Variants in CNTNAP5 observed in about 807,000 individuals in gnomAD.
CNTNAP5 encodes contactin associated protein family member 5.
In CNTNAP5, 72 loss-of-function variants were observed where a neutral mutation model predicts 150.2. The observed-to-expected ratio is 0.48, with a 90% CI of 0.40 to 0.58. The LOEUF is 0.58. Ranked by LOEUF, CNTNAP5 falls within the 20% of genes least tolerant of loss-of-function variation. The pLI, the probability that CNTNAP5 is intolerant of heterozygous loss-of-function variation, is 0.00. For synonymous variants in CNTNAP5, 672 were observed against 619.8 expected (o/e 1.08, Z -1.25); for missense variants, 1,636 against 1,626.2 (o/e 1.01, Z -0.10).
chr2:124,530,633 C>T (rs4848243), intron 10 of CNTNAP5, among the ~76,000 whole-genome samples: 37,564 of 152,010 alleles, frequency 0.25, 5,091 homozygotes, highest in East Asian at 0.44. Flanking sequence ...GCCTTGCGCA[C>T]GGCTCTGGAA....
intron 2 of CNTNAP5, among the ~76,000 whole-genome samples, chr2:124,222,543 T>G (rs1037991013): frequency 1.3e-5 from 2 of 152,106 alleles, no homozygotes; most frequent in South Asian, 4.1e-4. Context: ...CTACTAAATA[T>G]TATAAACTTT....
intron 13 of CNTNAP5, among the ~76,000 whole-genome samples, chr2:124,720,956 A>G (rs1180816932): frequency 1.3e-5 from 2 of 152,006 alleles, no homozygotes. Flanking sequence ...TTTACTATGA[A>G]CCTAAATAAT....
chr2:124,390,604 T>C (rs1285426603), intron 3 of CNTNAP5, among the ~76,000 whole-genome samples: 2 of 152,240 alleles, frequency 1.3e-5, no homozygotes, highest in Admixed American at 6.5e-5. Flanking sequence ...TGGGAAATAC[T>C]TCTTTTTCTA....
At chr2:124,454,462 C>T (rs561138208) in intron 6 of CNTNAP5, among the ~76,000 whole-genome samples, 38 of 152,230 alleles carry the variant, frequency 2.5e-4, no homozygotes, top group African/African-American at 8.7e-4. Context: ...GACTTTAATA[C>T]TCCACTGACA....
chr2:124,252,007 G>T (rs762980063), intron 3 of CNTNAP5, among the ~76,000 whole-genome samples: 3 of 152,154 alleles, frequency 2.0e-5, no homozygotes, highest in African/African-American at 2.4e-5. Flanking sequence ...GCATGTAGAT[G>T]AGAGAAAGGA....
intron 3 of CNTNAP5, among the ~76,000 whole-genome samples, chr2:124,294,021 G>A (rs1184104931): frequency 6.6e-6 from 1 of 152,188 alleles, no homozygotes; most frequent in Non-Finnish European, 1.5e-5. Context: ...CCACTGTGAA[G>A]TTGATCCCAG....
intron 2 of CNTNAP5, among the ~76,000 whole-genome samples, chr2:124,232,190 A>G (rs1376636719): frequency 1.3e-5 from 2 of 152,220 alleles, no homozygotes; most frequent in Admixed American, 1.3e-4. Context: ...AACTGTAAGA[A>G]TAGAATTAAG....
chr2:124,242,976 A>G (rs1686924310), intron 3 of CNTNAP5, among the ~76,000 whole-genome samples: 1 of 152,222 alleles, frequency 6.6e-6, no homozygotes, highest in South Asian at 2.1e-4. Context: ...ATTGGAAACA[A>G]TCTTCAGCTT....
intron 3 of CNTNAP5, among the ~76,000 whole-genome samples, chr2:124,286,044 T>G (rs903625578): frequency 6.6e-6 from 1 of 152,198 alleles, no homozygotes; most frequent in Non-Finnish European, 1.5e-5. Flanking sequence ...GATCTCTCAT[T>G]ATACAGCATG....
chr2:124,260,554 A>G (rs1573873743), intron 3 of CNTNAP5, among the ~76,000 whole-genome samples: 1 of 152,250 alleles, frequency 6.6e-6, no homozygotes, highest in East Asian at 1.9e-4. Flanking sequence ...GCACAGCCAA[A>G]GAAACTGCCA....
chr2:124,774,949 G>C (rs991442744), intron 17 of CNTNAP5, among the ~76,000 whole-genome samples: 5 of 152,200 alleles, frequency 3.3e-5, no homozygotes, highest in African/African-American at 1.2e-4. Context: ...GCAATGAGCT[G>C]TAAGAGCATG....
At chr2:124,191,960 T>C (rs1253794460) in intron 1 of CNTNAP5, among the ~76,000 whole-genome samples, 1 of 151,986 alleles carries the variant, frequency 6.6e-6, no homozygotes, top group East Asian at 1.9e-4. Context: ...CTAGCAGGCT[T>C]TAAGGAGCTG....
At chr2:124,399,310 T>C (rs1691346135) in intron 3 of CNTNAP5, among the ~76,000 whole-genome samples, 1 of 152,202 alleles carries the variant, frequency 6.6e-6, no homozygotes, top group Non-Finnish European at 1.5e-5. Context: ...TGAGCTTACA[T>C]CTTCTCCATA....
chr2:124,654,919 T>A (rs914340419), intron 13 of CNTNAP5, among the ~76,000 whole-genome samples: 1 of 145,498 alleles, frequency 6.9e-6, no homozygotes, highest in South Asian at 2.2e-4. Context: ...AGTATTTGAC[T>A]TTTTTTTTTT....
chr2:124,650,832 T>C (rs1455893925), intron 13 of CNTNAP5, among the ~76,000 whole-genome samples: 1 of 152,246 alleles, frequency 6.6e-6, no homozygotes, highest in Non-Finnish European at 1.5e-5. Context: ...AAATCTCCTA[T>C]TTGGACCTGT....
chr2:124,821,613 G>A (rs940853766), intron 19 of CNTNAP5, among the ~76,000 whole-genome samples: 15 of 151,992 alleles, frequency 9.9e-5, no homozygotes, highest in Admixed American at 6.6e-4. Flanking sequence ...ATTTTTTTTA[G>A]CCTTTTTGTA....
chr2:124,685,263 A>G (rs751506902), intron 13 of CNTNAP5, among the ~76,000 whole-genome samples: 2 of 152,138 alleles, frequency 1.3e-5, no homozygotes, highest in Admixed American at 6.6e-5. Context: ...AAGAAGACAC[A>G]TTATTTCCAT....
chr2:124,911,491 G>A lies in CNTNAP5; in HGVS notation c.3680G>A (p.Arg1227Gln), dbSNP rs755547793. Residue 1227 changes from arginine (R) to glutamine (Q), a missense_variant, in exon 23 of 24, where the codon CGG becomes CAG. Physicochemically the swap from Arg to Gln is conservative, Grantham distance 43 (BLOSUM62 1). Transcript: ENST00000682447. ...GATCCTTTTGGGAAGACAGATGAGCGGGAACCACTCACAAATGCTGTTCGA... is the reference window on the plus strand; with the variant it reads ...GATCCTTTTGGGAAGACAGATGAGCAGGAACCACTCACAAATGCTGTTCGA... ...SSDPFGKTDE[R>Q]EPLTNAVRSD... 1.0e-5 allele frequency: 16 copies of A among 1,601,476 alleles called. No individual in the cohort carries two copies. The Middle Eastern group carries it at 4.9e-4, about 50-fold the overall frequency.
intron 1 of CNTNAP5, among the ~76,000 whole-genome samples, chr2:124,167,368 A>G (rs912550492): frequency 1.3e-5 from 2 of 152,200 alleles, no homozygotes; most frequent in African/African-American, 4.8e-5. Context: ...TTTACACTCC[A>G]GGGTCAGTTT....
Sources: gnomAD v4.1 joint callset for allele counts (sites outside exome capture counted in the v4.1 genomes callset) on GRCh38, gnomAD v4.1.1 for gene constraint, MANE v1.5 for transcripts, NCBI Gene and HGNC (gene_info 2026-07-23, HGNC 2026-07-21) for gene names.